SLC6A11: variants seen among roughly 807,000 people sequenced by gnomAD.
SLC6A11 encodes sodium- and chloride-dependent GABA transporter 3.
A neutral mutation model predicts 74.8 loss-of-function variants in SLC6A11; 25 were observed. That is an observed-to-expected ratio of 0.33 (90% confidence interval 0.24 to 0.47). The LOEUF is 0.47. SLC6A11 is among the 20% of genes least tolerant of loss of function. The pLI is 1.00. For synonymous variants in SLC6A11, 330 were observed against 330.2 expected (o/e 1.00, Z 0.01); for missense variants, 574 against 837.0 (o/e 0.69, Z 3.88).
chr3:10,925,114 A>G (rs1195206694), intron 8 of SLC6A11, among the ~76,000 whole-genome samples: 1 of 152,244 alleles, frequency 6.6e-6, no homozygotes, highest in African/African-American at 2.4e-5. Flanking sequence ...CTATAGCTTG[A>G]TTGCCATGGC....
At chr3:10,934,472 G>A (rs961625653) in intron 12 of SLC6A11, among the ~76,000 whole-genome samples, 2 of 152,218 alleles carry the variant, frequency 1.3e-5, no homozygotes, top group Admixed American at 6.5e-5. Context: ...GGACTATGTG[G>A]GGAACAAAGG....
At chr3:10,840,684 G>A (rs1281254333) in intron 4 of SLC6A11, among the ~76,000 whole-genome samples, 2 of 152,244 alleles carry the variant, frequency 1.3e-5, no homozygotes, top group Non-Finnish European at 2.9e-5. Context: ...GAAAGTGGCA[G>A]GTGACGTTAG....
intron 4 of SLC6A11, among the ~76,000 whole-genome samples, chr3:10,826,985 C>G (rs1161540637): frequency 6.6e-6 from 1 of 152,236 alleles, no homozygotes; most frequent in Admixed American, 6.5e-5. Flanking sequence ...GCATCTCTGT[C>G]TGTATCATCC....
chr3:10,917,456 A>G (rs1406042890), intron 7 of SLC6A11, among the ~76,000 whole-genome samples: 1 of 152,150 alleles, frequency 6.6e-6, no homozygotes, highest in Non-Finnish European at 1.5e-5. Context: ...CTCCTCCCCT[A>G]TAAAATGGGG....
At chr3:10,932,175 A>G (rs924085302) in intron 10 of SLC6A11, among the ~76,000 whole-genome samples, 2 of 152,128 alleles carry the variant, frequency 1.3e-5, no homozygotes, top group Non-Finnish European at 2.9e-5. Flanking sequence ...CCTCCCTCCT[A>G]GAAAACCTTC....
intron 4 of SLC6A11, among the ~76,000 whole-genome samples, chr3:10,843,028 G>T (rs897137220): frequency 6.6e-6 from 1 of 152,158 alleles, no homozygotes; most frequent in Non-Finnish European, 1.5e-5. Context: ...GTGCCGAAGC[G>T]ACTGGCATGG....
intron 8 of SLC6A11, among the ~76,000 whole-genome samples, chr3:10,920,520 G>A (rs967576345): frequency 6.6e-6 from 1 of 152,140 alleles, no homozygotes; most frequent in Admixed American, 6.5e-5. Flanking sequence ...CCATTGAATT[G>A]ATACACTGGA....
chr3:10,821,324 A>G (rs942213732), intron 3 of SLC6A11, among the ~76,000 whole-genome samples: 2 of 152,214 alleles, frequency 1.3e-5, no homozygotes, highest in Non-Finnish European at 2.9e-5. Context: ...ATGCATGTTT[A>G]TAATTTAAGA....
intron 5 of SLC6A11, among the ~76,000 whole-genome samples, chr3:10,852,552 T>C (rs1694589381): frequency 1.3e-5 from 2 of 152,184 alleles, no homozygotes. Flanking sequence ...GTCCCAGTGA[T>C]TGCTGGGTGG....
At chr3:10,919,702 A>T (rs929641953) in intron 8 of SLC6A11, among the ~76,000 whole-genome samples, 1 of 152,220 alleles carries the variant, frequency 6.6e-6, no homozygotes, top group Non-Finnish European at 1.5e-5. Context: ...AGACCAGAGG[A>T]TACGAGTATG....
intron 8 of SLC6A11, among the ~76,000 whole-genome samples, 197 bp from the exon 9 acceptor site, chr3:10,925,807 C>T (rs888451906): frequency 6.6e-6 from 1 of 152,194 alleles, no homozygotes; most frequent in African/African-American, 2.4e-5. Flanking sequence ...CTCTTTCTGC[C>T]TCAACTTGCT....
In SLC6A11 at chr3:10,822,134, A is replaced by C. The variant is rs911447114; in HGVS notation, c.533-1168A>C. Among the ~76,000 whole-genome samples the C allele has an allele frequency of 5.2e-5, 8 of 152,384 alleles. No individual in the cohort carries two copies. In the South Asian group the frequency reaches 1.7e-3, roughly 32 times the overall value. On this transcript the variant is annotated intron_variant, in intron 3 of 13. Transcript: ENST00000254488. ...ACACTTGCAATGTGTGAAACATCAC[A>C]CATAGGAGGTGATTCCTGCCTGCAG...
chr3:10,898,352 A>G (rs929817649), intron 6 of SLC6A11, among the ~76,000 whole-genome samples: 1 of 152,190 alleles, frequency 6.6e-6, no homozygotes, highest in African/African-American at 2.4e-5. Context: ...AATTTATCAC[A>G]TATCACAGGC....
At chr3:10,917,024 G>C (rs2655283) in intron 7 of SLC6A11, among the ~76,000 whole-genome samples, 120,723 of 152,148 alleles carry the variant, frequency 0.79, 48,571 homozygotes, top group African/African-American at 0.93. Context: ...GAGAGTCCTG[G>C]TGTGTTGTTG....
At chr3:10,920,888 C>A (rs1039770140) in intron 8 of SLC6A11, among the ~76,000 whole-genome samples, 5 of 152,226 alleles carry the variant, frequency 3.3e-5, no homozygotes, top group African/African-American at 1.2e-4. Context: ...GTGTGGATCA[C>A]ACCAAGACCC....
chr3:10,818,075 T>C (rs1416997933), intron 1 of SLC6A11, among the ~76,000 whole-genome samples: 1 of 150,732 alleles, frequency 6.6e-6, no homozygotes, highest in African/African-American at 2.5e-5. Flanking sequence ...CAGATTTTTT[T>C]TTTTTTTTTT....
chr3:10,908,939 A>C lies in SLC6A11; in HGVS notation c.892-3151A>C, dbSNP rs147137306. ...GAGGAATTTATAGGCCTCTGAAATG[A>C]AATGTTCTAGGATAGGTCTGATTTC... On this transcript the variant is annotated intron_variant, in intron 6 of 13. Transcript: ENST00000254488. 4.0e-3 allele frequency among the ~76,000 whole-genome samples: 609 copies of C among 152,266 alleles called. 7 individuals are homozygous for C. The highest frequency in any genetic ancestry group is 0.014 in the African/African-American group (586 of 41,538).
chr3:10,884,540 A>T (rs1695020145), intron 6 of SLC6A11, among the ~76,000 whole-genome samples: 1 of 152,224 alleles, frequency 6.6e-6, no homozygotes, highest in Admixed American at 6.5e-5. Flanking sequence ...AAGCTTGCAC[A>T]GCCAGCAGCT....
chr3:10,887,921 T>C (rs1695064181), intron 6 of SLC6A11, among the ~76,000 whole-genome samples: 1 of 152,252 alleles, frequency 6.6e-6, no homozygotes, highest in Admixed American at 6.5e-5. Flanking sequence ...GTCAGTAGAC[T>C]GAAGCCTCTT....
Sources: allele counts gnomAD v4.1 joint callset (sites outside exome capture counted in the v4.1 genomes callset), GRCh38; gene constraint gnomAD v4.1.1; transcripts MANE v1.5; gene names NCBI Gene and HGNC (gene_info 2026-07-23, HGNC 2026-07-21).